The following BMAL2 variants were observed in gnomAD, a reference collection of about 807,000 sequenced individuals.
The protein encoded by BMAL2 is basic helix-loop-helix ARNT-like protein 2.
At chr12:27,399,627 TA>T in the BMAL2 span, among the ~76,000 whole-genome samples, 1 of 152,260 alleles carries the variant, frequency 6.6e-6, no homozygotes, top group Admixed American at 6.5e-5. Flanking sequence ...ATGTTCTATT[TA>T]AACAAAAATT....
the BMAL2 span, among the ~76,000 whole-genome samples, chr12:27,374,752 A>G: frequency 2.6e-5 from 4 of 152,212 alleles, no homozygotes; most frequent in Non-Finnish European, 5.9e-5. Flanking sequence ...ACCAGCCTGC[A>G]TTGAGTAGTC....
chr12:27,404,889 C>G, the BMAL2 span, among the ~76,000 whole-genome samples: 1 of 152,198 alleles, frequency 6.6e-6, no homozygotes, highest in Non-Finnish European at 1.5e-5. Flanking sequence ...AAAATCGGGT[C>G]ACTCCCACCC....
At chr12:27,402,640 A>G in the BMAL2 span, 7 of 1,612,870 alleles carry the variant, frequency 4.3e-6, no homozygotes, top group Non-Finnish European at 4.2e-6. Context: ...AGCCTGGAGA[A>G]GCATCATTTT....
At chr12:27,348,497 A>G in the BMAL2 span, among the ~76,000 whole-genome samples, 1 of 152,198 alleles carries the variant, frequency 6.6e-6, no homozygotes, top group Admixed American at 6.5e-5. Context: ...AATTGACAAC[A>G]TAACAAAGCA....
the BMAL2 span, chr12:27,420,685 G>A: frequency 2.2e-6 from 2 of 897,898 alleles, no homozygotes; most frequent in Non-Finnish European, 3.1e-6. Flanking sequence ...CCTGTCACAG[G>A]GATGTGGGGA....
the BMAL2 span, among the ~76,000 whole-genome samples, chr12:27,343,385 G>T: frequency 6.6e-6 from 1 of 152,180 alleles, no homozygotes; most frequent in Non-Finnish European, 1.5e-5. Context: ...TAAACGGAAG[G>T]TGTCTCATCT....
the BMAL2 span, among the ~76,000 whole-genome samples, chr12:27,385,052 T>A: frequency 1.3e-5 from 2 of 152,070 alleles, no homozygotes; most frequent in Non-Finnish European, 2.9e-5. Flanking sequence ...AGTGGCTCAC[T>A]CCTGTAATCC....
At chr12:27,423,788 G>A in the BMAL2 span, 1 of 152,172 alleles carries the variant, frequency 6.6e-6, no homozygotes, top group Non-Finnish European at 1.5e-5. Context: ...TTTTTAAAAG[G>A]AGGTTTGATC....
At chr12:27,402,625 T>A in the BMAL2 span, 11 of 1,612,276 alleles carry the variant, frequency 6.8e-6, no homozygotes, top group South Asian at 1.2e-4. Context: ...CTAGGGGACA[T>A]AGTGAGCCTG....
the BMAL2 span, chr12:27,403,451 G>C: frequency 6.2e-7 from 1 of 1,605,720 alleles, no homozygotes; most frequent in Admixed American, 1.7e-5. Flanking sequence ...AGACAGTCCT[G>C]TATGAGTGTA....
the BMAL2 span, among the ~76,000 whole-genome samples, chr12:27,376,856 C>T: frequency 0.031 from 4,632 of 151,742 alleles, 90 homozygotes; most frequent in South Asian, 0.09. Context: ...AAAAATTAGC[C>T]GGGCGTGGTG....
the BMAL2 span, among the ~76,000 whole-genome samples, chr12:27,371,549 C>T: frequency 6.6e-6 from 1 of 152,032 alleles, no homozygotes; most frequent in Admixed American, 6.6e-5. Context: ...GGGATAAACA[C>T]GAACTAAGTC....
chr12:27,383,349 A>ATT, the BMAL2 span, among the ~76,000 whole-genome samples: 2 of 151,508 alleles, frequency 1.3e-5, no homozygotes, highest in East Asian at 1.9e-4. Context: ...TGTCATTTTG[A>ATT]TTTTTTTTTA....
At chr12:27,411,814 C>A in the BMAL2 span, among the ~76,000 whole-genome samples, 7 of 152,058 alleles carry the variant, frequency 4.6e-5, no homozygotes, top group African/African-American at 4.8e-5. Context: ...CTCTGTTTAT[C>A]AGGTTTTTTG....
At chr12:27,393,097 T>C in the BMAL2 span, among the ~76,000 whole-genome samples, 1 of 152,156 alleles carries the variant, frequency 6.6e-6, no homozygotes. Context: ...GCCTTCTCCA[T>C]CTCAAACCCA....
At chr12:27,385,319 T>C in the BMAL2 span, among the ~76,000 whole-genome samples, 6 of 150,576 alleles carry the variant, frequency 4.0e-5, no homozygotes, top group African/African-American at 1.5e-4. Context: ...GTCTCAAAAA[T>C]AAATAATTAA....
the BMAL2 span, chr12:27,422,265 T>G: frequency 1.3e-5 from 2 of 152,212 alleles, no homozygotes; most frequent in African/African-American, 2.4e-5. Flanking sequence ...GGGGCAGCCC[T>G]CAGACTTCAA....
chr12:27,420,019 GCACACACACACACA>G, the BMAL2 span, among the ~76,000 whole-genome samples: 1 of 147,478 alleles, frequency 6.8e-6, no homozygotes, highest in Non-Finnish European at 1.5e-5. Context: ...GTTTGCGCGT[GCACACACACACACA>G]CACACACACA....
At chr12:27,346,300 A>G in the BMAL2 span, among the ~76,000 whole-genome samples, 4 of 152,086 alleles carry the variant, frequency 2.6e-5, no homozygotes, top group East Asian at 1.9e-4. Context: ...TCACTCTGTC[A>G]CCCAGGCTGG....
Sources: gnomAD v4.1 joint callset for allele counts (sites outside exome capture counted in the v4.1 genomes callset) on GRCh38, gnomAD v4.1.1 for gene constraint, MANE v1.5 for transcripts, NCBI Gene and HGNC (gene_info 2026-07-23, HGNC 2026-07-21) for gene names.